The following AFF3 variants were observed in gnomAD, a reference collection of about 807,000 sequenced individuals.
AFF3 encodes the protein AF4/FMR2 family member 3.
AFF3 carries 32 observed loss-of-function variants against 129.7 expected under a neutral mutation model. That is an observed-to-expected ratio of 0.25 (90% CI 0.19 to 0.33). The LOEUF (loss-of-function observed/expected upper bound fraction) is 0.33. Among genes scored for constraint, AFF3 ranks in the 10% least tolerant of loss-of-function variants. The pLI, the probability that AFF3 is intolerant of heterozygous loss-of-function variation, is 1.00. For missense variants in AFF3, 1,373 were observed against 1,592.0 expected (o/e 0.86, Z 2.34); for synonymous variants, 644 against 635.4 (o/e 1.01, Z -0.20).
chr2:99,618,308 TCA>T (rs1323126159), intron 13 of AFF3, among the ~76,000 whole-genome samples: 1 of 139,458 alleles, frequency 7.2e-6, no homozygotes, highest in Non-Finnish European at 1.5e-5. Context: ...CTATCTTGGC[TCA>T]CTGCAAACTC....
Position 99,983,701 on chromosome 2 carries a change from T to C in AFF3, c.873+22931A>G, listed in dbSNP as rs1043805229. Among the ~76,000 whole-genome samples the C allele has an allele frequency of 2.6e-5, 4 of 152,202 alleles. No individual in the cohort carries two copies. In the East Asian group the frequency reaches 7.7e-4, roughly 29 times the overall value. On this transcript the variant is annotated intron_variant, in intron 7 of 24. Transcript: ENST00000672756. The stretch of plus-strand genomic sequence containing the variant: ...TTCACTTTTCCCTGAATTCTCTGTG[T>C]AAAGAGGCTTTAATGGACTGAGTTA...
At chr2:99,912,027 C>T (rs566607561) in intron 7 of AFF3, among the ~76,000 whole-genome samples, 2 of 152,110 alleles carry the variant, frequency 1.3e-5, no homozygotes, top group African/African-American at 2.4e-5. Context: ...GCTCACCAAG[C>T]CTCTGAAACA....
intron 13 of AFF3, among the ~76,000 whole-genome samples, chr2:99,632,187 TG>T (rs750269474): frequency 6.6e-6 from 1 of 151,884 alleles, no homozygotes; most frequent in Non-Finnish European, 1.5e-5. Context: ...GGCTAATTTC[TG>T]TATTTTTGTA....
At chr2:99,740,721 G>A (rs544410298) in intron 10 of AFF3, among the ~76,000 whole-genome samples, 1 of 150,526 alleles carries the variant, frequency 6.6e-6, no homozygotes, top group Non-Finnish European at 1.5e-5. Flanking sequence ...TTAGCCCTTT[G>A]TCAGATGAGT....
intron 7 of AFF3, among the ~76,000 whole-genome samples, chr2:99,909,654 A>C (rs1267241573): frequency 6.6e-6 from 1 of 152,054 alleles, no homozygotes; most frequent in Non-Finnish European, 1.5e-5. Context: ...TTCTCCACAG[A>C]GTGGAGAAGT....
chr2:99,876,499 G>A (rs1441794150), intron 7 of AFF3, among the ~76,000 whole-genome samples: 1 of 151,956 alleles, frequency 6.6e-6, no homozygotes, highest in Non-Finnish European at 1.5e-5. Context: ...TCCATCTCCA[G>A]TGCTGTCACT....
At chr2:99,903,977 T>G (rs1158928350) in intron 7 of AFF3, among the ~76,000 whole-genome samples, 1 of 152,212 alleles carries the variant, frequency 6.6e-6, no homozygotes, top group African/African-American at 2.4e-5. Context: ...TTAAATTTGC[T>G]AAGTTTAAAG....
At chr2:99,629,483 CA>C (rs1383493272) in intron 13 of AFF3, among the ~76,000 whole-genome samples, 1 of 152,160 alleles carries the variant, frequency 6.6e-6, no homozygotes, top group Non-Finnish European at 1.5e-5. Flanking sequence ...ATGAGAACTA[CA>C]AAACACTGCT....
intron 4 of AFF3, among the ~76,000 whole-genome samples, chr2:100,078,223 T>C (rs61365481): frequency 0.026 from 3,897 of 152,318 alleles, 158 homozygotes; most frequent in African/African-American, 0.088. Context: ...TATCAAAGAT[T>C]GAAATTTTGA....
chr2:99,613,687 T>C (rs1681148978), intron 13 of AFF3, among the ~76,000 whole-genome samples: 1 of 152,234 alleles, frequency 6.6e-6, no homozygotes, highest in Non-Finnish European at 1.5e-5. Flanking sequence ...ATTTTCATGT[T>C]CATTTATAAT....
At chr2:99,888,369 G>A (rs879430635) in intron 7 of AFF3, among the ~76,000 whole-genome samples, 3 of 152,172 alleles carry the variant, frequency 2.0e-5, no homozygotes, top group Non-Finnish European at 2.9e-5. Flanking sequence ...TATAATGTTT[G>A]AACTTTGTCA....
intron 12 of AFF3, among the ~76,000 whole-genome samples, chr2:99,657,728 T>C (rs943152350): frequency 1.6e-4 from 24 of 152,274 alleles, no homozygotes; most frequent in African/African-American, 5.8e-4. Flanking sequence ...TAGGTTTGTT[T>C]ATGTCTACTA....
intron 8 of AFF3, among the ~76,000 whole-genome samples, chr2:99,783,575 T>C (rs1436763930): frequency 6.6e-6 from 1 of 152,230 alleles, no homozygotes; most frequent in Non-Finnish European, 1.5e-5. Flanking sequence ...GACTAAGCCA[T>C]GCTGGCCACT....
intron 8 of AFF3, among the ~76,000 whole-genome samples, chr2:99,793,877 G>C (rs1043581445): frequency 6.6e-6 from 1 of 152,072 alleles, no homozygotes; most frequent in East Asian, 1.9e-4. Context: ...GGAACCTGAC[G>C]TTCAACCTTT....
intron 7 of AFF3, among the ~76,000 whole-genome samples, chr2:99,988,411 G>T (rs1349713462): frequency 6.6e-6 from 1 of 152,162 alleles, no homozygotes; most frequent in Non-Finnish European, 1.5e-5. Context: ...AAAGTATAGT[G>T]TACCTGGCAC....
chr2:99,986,298 G>T (rs893327608), intron 7 of AFF3, among the ~76,000 whole-genome samples: 1 of 151,082 alleles, frequency 6.6e-6, no homozygotes, highest in African/African-American at 2.4e-5. Flanking sequence ...CAACCATAGC[G>T]TTTACTCACC....
intron 12 of AFF3, among the ~76,000 whole-genome samples, chr2:99,672,231 C>CACACAT (rs1687229860): frequency 3.6e-5 from 1 of 27,466 alleles, no homozygotes; most frequent in Non-Finnish European, 6.2e-5. Flanking sequence ...CACACACACA[C>CACACAT]ATGAATAAAT....
intron 7 of AFF3, among the ~76,000 whole-genome samples, chr2:99,960,975 G>A (rs1677160957): frequency 6.6e-6 from 1 of 152,176 alleles, no homozygotes; most frequent in Admixed American, 6.5e-5. Flanking sequence ...GCTCCCCACA[G>A]GCAATGCCCT....
intron 11 of AFF3, among the ~76,000 whole-genome samples, chr2:99,725,352 TA>T (rs1371978114): frequency 6.6e-6 from 1 of 152,016 alleles, no homozygotes; most frequent in Non-Finnish European, 1.5e-5. Context: ...ATAAACTTTT[TA>T]TTTTTTTATT....
Sources: gnomAD v4.1 joint callset for allele counts (sites outside exome capture counted in the v4.1 genomes callset) on GRCh38, gnomAD v4.1.1 for gene constraint, MANE v1.5 for transcripts, NCBI Gene and HGNC (gene_info 2026-07-23, HGNC 2026-07-21) for gene names.